The following CENPQ variants were observed in gnomAD, a reference collection of about 807,000 sequenced individuals.
CENPQ encodes the protein chromosome 6 open reading frame 139.
In CENPQ, 27 loss-of-function variants were observed where a neutral mutation model predicts 36.6. The ratio of observed to expected loss-of-function variants is 0.74; its 90% CI spans 0.54 to 1.02. The LOEUF (loss-of-function observed/expected upper bound fraction) is 1.02. Among genes scored for constraint, CENPQ ranks in the 50% least tolerant of loss-of-function variants. The pLI is 0.00. For missense variants in CENPQ, 306 were observed against 301.8 expected, an observed-to-expected ratio of 1.01 and a Z score of -0.10; for synonymous variants, 101 against 101.7, an observed-to-expected ratio of 0.99 and a Z score of 0.04.
Position 49,492,139 on chromosome 6 carries a change from C to A in CENPQ, c.676-5C>A, listed in dbSNP as rs1330103829. The A allele has an allele frequency of 6.3e-7, 1 of 1,592,954 alleles. No individual in the cohort carries two copies. Among genetic ancestry groups the A allele is most frequent in the Non-Finnish European group, 8.5e-7 (1 of 1,171,640 alleles). ...CAACTACATTTAATACTATCTTTCC[C>A]ACAGAAAGAAATTTTGGCGCTAATT... On this transcript the variant is annotated splice_polypyrimidine_tract_variant and splice_region_variant and intron_variant, in intron 8 of 8. Coordinates refer to ENST00000335783, the MANE Select transcript of CENPQ (RefSeq NM_018132.4).
chr6:49,485,986 T>C (rs949250190), intron 6 of CENPQ, among the ~76,000 whole-genome samples: 1 of 152,210 alleles, frequency 6.6e-6, no homozygotes, highest in Non-Finnish European at 1.5e-5. Flanking sequence ...AAAAGGGTCT[T>C]GTCCAATATA....
chr6:49,467,028 C>T (rs1768018238), intron 1 of CENPQ, among the ~76,000 whole-genome samples: 1 of 152,170 alleles, frequency 6.6e-6, no homozygotes, highest in Non-Finnish European at 1.5e-5. Context: ...AGTATTCTAG[C>T]ATCTGACGGT....
chr6:49,465,149 C>T (rs1212484744), intron 1 of CENPQ, among the ~76,000 whole-genome samples: 1 of 152,210 alleles, frequency 6.6e-6, no homozygotes, highest in Admixed American at 6.5e-5. Context: ...TCTCCTTGTA[C>T]ATCTCTATCA....
Position 49,492,381 on chromosome 6 carries a change from T to C in CENPQ, c.*106T>C. 1.1e-6 allele frequency: 1 copy of C among 947,442 alleles called. No individual in the cohort carries two copies. Among genetic ancestry groups the C allele is most frequent in the Non-Finnish European group, 1.5e-6 (1 of 664,036 alleles). 58.7% of individuals were successfully genotyped at this position (947,442 alleles called of 1,614,324 possible). On this transcript the variant is annotated 3_prime_UTR_variant, in exon 9 of 9. Transcript: ENST00000335783. ...CAGAGGCTAAGGCTTCTGCAGGATT[T>C]ATTATCTCCTGATATGCACTTTAAA... is the stretch of plus-strand genomic sequence containing the variant.
At chr6:49,483,788 C>T (rs955922966) in intron 6 of CENPQ, among the ~76,000 whole-genome samples, 19 of 152,244 alleles carry the variant, frequency 1.2e-4, no homozygotes, top group African/African-American at 4.6e-4. Flanking sequence ...GGTTCCCGCT[C>T]GCGCCTCTCC....
At chr6:49,464,898 T>C (rs1247668995) in intron 1 of CENPQ, among the ~76,000 whole-genome samples, 1 of 152,232 alleles carries the variant, frequency 6.6e-6, no homozygotes, top group East Asian at 1.9e-4. Context: ...CTCCTGTTAA[T>C]GTTGATATTT....
intron 4 of CENPQ, among the ~76,000 whole-genome samples, chr6:49,472,547 A>G (rs1411269120): frequency 6.6e-6 from 1 of 152,202 alleles, no homozygotes; most frequent in Non-Finnish European, 1.5e-5. Flanking sequence ...GCCATTGTGG[A>G]GCAAATTCTA....
At chr6:49,467,332 TG>T (rs1768027225) in intron 1 of CENPQ, among the ~76,000 whole-genome samples, 1 of 152,192 alleles carries the variant, frequency 6.6e-6, no homozygotes, top group Admixed American at 6.5e-5. Flanking sequence ...ATGTAAACAA[TG>T]GATTTTGGGT....
At chr6:49,473,031 T>A (rs898956088) in intron 5 of CENPQ, among the ~76,000 whole-genome samples, 173 bp downstream of exon 5, 1 of 152,054 alleles carries the variant, frequency 6.6e-6, no homozygotes, top group Admixed American at 6.6e-5. Context: ...CACATGTTTC[T>A]CAAATAAGTT....
At chr6:49,488,504 G>T in intron 7 of CENPQ, 33 bp downstream of exon 7, 2 of 1,601,114 alleles carry the variant, frequency 1.2e-6, no homozygotes, top group Non-Finnish European at 1.7e-6. Flanking sequence ...TTGGAATTTG[G>T]ATATAATTTT....
intron 5 of CENPQ, among the ~76,000 whole-genome samples, chr6:49,478,795 C>T (rs1263247559): frequency 2.0e-5 from 3 of 152,112 alleles, no homozygotes; most frequent in Non-Finnish European, 2.9e-5. Context: ...CAAAACTATT[C>T]GCCATTACAA....
In CENPQ at chr6:49,474,578, C is replaced by A. The variant is rs553781635; in HGVS notation, c.347+1720C>A. ...CAAGAGAAAGCAGGAAAAATTGACA[C>A]CCTAACATCACAATTAAAAGAACTA... On this transcript the variant is annotated intron_variant, in intron 5 of 8. Coordinates refer to ENST00000335783, the MANE Select transcript of CENPQ (RefSeq NM_018132.4). Among the ~76,000 whole-genome samples, 24 of 151,888 alleles carry A rather than the reference C, an allele frequency of 1.6e-4. No individual in the cohort carries two copies. In the South Asian group the frequency reaches 4.2e-3, roughly 26 times the overall value.
At chr6:49,473,595 G>C (rs1768197924) in intron 5 of CENPQ, among the ~76,000 whole-genome samples, 2 of 152,134 alleles carry the variant, frequency 1.3e-5, no homozygotes, top group South Asian at 4.1e-4. Context: ...ATCGATGCTA[G>C]GAAGAAACTG....
chr6:49,475,086 G>A (rs1768251273), intron 5 of CENPQ, among the ~76,000 whole-genome samples: 1 of 152,128 alleles, frequency 6.6e-6, no homozygotes, highest in Non-Finnish European at 1.5e-5. Context: ...ATACAAGGAG[G>A]AGCTGGAACC....
In CENPQ at chr6:49,488,444, GGAA is replaced by G. The variant is rs754207067; in HGVS notation, c.579_581del (p.Glu195del). ...AAATTCAGATTCTGGCAAGTGAGGT[GGAA>G]GAAGAAGAGGAGAGAGTAAAACAGG... On this transcript the variant is annotated inframe_deletion, in exon 7 of 9. Coordinates refer to ENST00000335783, the MANE Select transcript of CENPQ (RefSeq NM_018132.4). The G allele has an allele frequency of 5.6e-6, 9 of 1,612,880 alleles. No homozygotes were observed. In the South Asian group the frequency reaches 6.6e-5, roughly 12 times the overall value.
chr6:49,469,905 C>T (rs922114747), intron 1 of CENPQ, among the ~76,000 whole-genome samples: 1 of 151,672 alleles, frequency 6.6e-6, no homozygotes, highest in Non-Finnish European at 1.5e-5. Context: ...TCCATACAAA[C>T]GGAAGTTAAT....
chr6:49,472,168 T>A lies in CENPQ; in HGVS notation c.263T>A (p.Met88Lys). The stretch of plus-strand genomic sequence containing the variant: ...ACCAGAGACCATTTGCAAACTATGA[T>A]GGAATCAGTAATAATGTGAGTATAA... ...KSTRDHLQTM[M>K]ESVIMTILSN... The change falls in exon 4 of 9, where the codon ATG becomes AAG. Residue 88 changes from methionine (M) to lysine (K), a missense_variant. Coordinates refer to ENST00000335783, the MANE Select transcript of CENPQ (RefSeq NM_018132.4). 6.2e-7 allele frequency: 1 copy of A among 1,611,552 alleles called. No individual in the cohort carries two copies.
chr6:49,468,946 T>C (rs1768066870), intron 1 of CENPQ, among the ~76,000 whole-genome samples: 2 of 152,164 alleles, frequency 1.3e-5, no homozygotes, highest in Non-Finnish European at 2.9e-5. Context: ...TATAAGGGTG[T>C]AGATGTAAAG....
intron 6 of CENPQ, among the ~76,000 whole-genome samples, chr6:49,486,474 C>G (rs1317115243): frequency 6.6e-6 from 1 of 152,146 alleles, no homozygotes; most frequent in East Asian, 1.9e-4. Context: ...GAATACAGTT[C>G]ACAAAATTTA....
Sources: allele counts gnomAD v4.1 joint callset (sites outside exome capture counted in the v4.1 genomes callset), GRCh38; gene constraint gnomAD v4.1.1; transcripts MANE v1.5; gene names NCBI Gene and HGNC (gene_info 2026-07-23, HGNC 2026-07-21).